Variants in DOCK4 observed in about 807,000 individuals in gnomAD.
The protein encoded by DOCK4 is dedicator of cytokinesis 4.
DOCK4 carries 97 observed loss-of-function variants against 268.1 expected under a neutral mutation model. That is an observed-to-expected ratio of 0.36 (90% CI 0.31 to 0.43). DOCK4 has a LOEUF of 0.43. Among genes scored for constraint, DOCK4 ranks in the 20% least tolerant of loss-of-function variants. DOCK4 has a pLI of 1.00. For synonymous variants in DOCK4, 954 were observed against 887.2 expected (o/e 1.08, Z -1.34); for missense variants, 2,145 against 2,455.7 (o/e 0.87, Z 2.67).
chr7:111,753,696 C>T (rs530217782), intron 42 of DOCK4, among the ~76,000 whole-genome samples: 1 of 152,196 alleles, frequency 6.6e-6, no homozygotes, highest in South Asian at 2.1e-4. Flanking sequence ...TGAGCACCTA[C>T]TACCTGTCCC....
chr7:111,899,740 T>C (rs999348684), intron 15 of DOCK4, among the ~76,000 whole-genome samples: 3 of 152,024 alleles, frequency 2.0e-5, no homozygotes. Context: ...CTGACCAATA[T>C]GGTGAAACCC....
chr7:112,071,003 A>T (rs180967758), intron 1 of DOCK4, among the ~76,000 whole-genome samples: 4 of 152,330 alleles, frequency 2.6e-5, no homozygotes, highest in Non-Finnish European at 4.4e-5. Context: ...AAAACATAAC[A>T]AAACAAAAAG....
At chr7:111,900,632 A>C in intron 14 of DOCK4, 96 bp from the exon 15 acceptor site, 22 of 1,288,936 alleles carry the variant, frequency 1.7e-5, no homozygotes, top group Non-Finnish European at 2.1e-5. Flanking sequence ...CCTGCCTCTC[A>C]AATAGCACTA....
At chr7:112,050,050 C>G (rs1235018084) in intron 1 of DOCK4, among the ~76,000 whole-genome samples, 1 of 152,130 alleles carries the variant, frequency 6.6e-6, no homozygotes, top group Non-Finnish European at 1.5e-5. Flanking sequence ...GGATCTGTCT[C>G]AACACCTAGC....
intron 1 of DOCK4, among the ~76,000 whole-genome samples, chr7:112,071,935 A>G (rs974077647): frequency 2.0e-5 from 3 of 152,206 alleles, no homozygotes; most frequent in Admixed American, 6.5e-5. Flanking sequence ...TTCCTCCTCT[A>G]TATGTTTACA....
At chr7:111,947,491 G>T (rs1211208211) in intron 8 of DOCK4, among the ~76,000 whole-genome samples, 4 of 152,140 alleles carry the variant, frequency 2.6e-5, no homozygotes, top group African/African-American at 9.6e-5. Context: ...GAAAACAGAT[G>T]GCCAATAAGG....
At chr7:111,796,379 G>C (rs1193762358) in intron 30 of DOCK4, among the ~76,000 whole-genome samples, 4 of 152,250 alleles carry the variant, frequency 2.6e-5, no homozygotes, top group Admixed American at 2.0e-4. Context: ...CACTAATACA[G>C]GACACATTGC....
In DOCK4 at chr7:111,994,118, T is replaced by C. The variant is rs1326422101; in HGVS notation, c.315+17A>G. On this transcript the variant is annotated intron_variant, in intron 5 of 52. Transcript: ENST00000428084. ...ATTCTTTACCCGAAAAATCGTGTCATTAAAAAGCTACTTAACCACATAGAG... is the reference window on the plus strand; with the variant it reads ...ATTCTTTACCCGAAAAATCGTGTCACTAAAAAGCTACTTAACCACATAGAG... The C allele has an allele frequency of 6.5e-7, 1 of 1,532,580 alleles. No homozygotes were observed. Among genetic ancestry groups the C allele is most frequent in the Non-Finnish European group, 8.9e-7 (1 of 1,124,226 alleles). 94.9% of individuals were successfully genotyped at this position (1,532,580 alleles called of 1,614,324 possible). A position where few individuals can be genotyped will look rare whatever the true frequency, so the allele number is the denominator to read the frequency against.
intron 27 of DOCK4, among the ~76,000 whole-genome samples, chr7:111,818,301 C>A (rs1462889209): frequency 6.6e-6 from 1 of 152,224 alleles, no homozygotes; most frequent in Non-Finnish European, 1.5e-5. Flanking sequence ...GAGCTCCATG[C>A]AAGCATGTCT....
chr7:111,855,069 CCAAA>C (rs990369046), intron 23 of DOCK4, among the ~76,000 whole-genome samples: 1 of 152,078 alleles, frequency 6.6e-6, no homozygotes, highest in Admixed American at 6.6e-5. Context: ...AAAGTGGATT[CCAAA>C]CAGAGAAAAG....
chr7:111,819,920 G>A (rs752799334), intron 27 of DOCK4: 3 of 152,220 alleles, frequency 2.0e-5, no homozygotes, highest in Admixed American at 1.3e-4. Context: ...CAGAGACATA[G>A]ATGTAACTCC....
intron 12 of DOCK4, among the ~76,000 whole-genome samples, chr7:111,921,703 T>C (rs543150546): frequency 6.6e-6 from 1 of 152,298 alleles, no homozygotes; most frequent in African/African-American, 2.4e-5. Flanking sequence ...AGGCACCAAT[T>C]CCATAAAATA....
chr7:111,737,112 T>G, intron 49 of DOCK4, 123 bp from the exon 50 acceptor site: 3 of 760,424 alleles, frequency 3.9e-6, no homozygotes, highest in Non-Finnish European at 2.2e-6. Flanking sequence ...TGTGATATGA[T>G]GAGCCTAGGA....
intron 26 of DOCK4, among the ~76,000 whole-genome samples, chr7:111,822,897 C>T (rs1462825523): frequency 1.3e-5 from 2 of 152,174 alleles, no homozygotes; most frequent in Non-Finnish European, 2.9e-5. Flanking sequence ...TTATGCTCAT[C>T]AAAAAGCATC....
intron 23 of DOCK4, among the ~76,000 whole-genome samples, chr7:111,853,127 G>A (rs73436239): frequency 0.011 from 1,727 of 152,290 alleles, 29 homozygotes; most frequent in African/African-American, 0.04. Flanking sequence ...GGACTAGGAA[G>A]GAACAAGGGA....
At chr7:111,977,352 A>G (rs946200170) in intron 7 of DOCK4, 69 bp from the exon 8 acceptor site, 2 of 1,520,836 alleles carry the variant, frequency 1.3e-6, no homozygotes, top group African/African-American at 2.8e-5. Context: ...CCAACAAACT[A>G]GTTAGCTATG....
At chr7:112,016,460 T>C (rs1234416800) in intron 1 of DOCK4, among the ~76,000 whole-genome samples, 1 of 152,238 alleles carries the variant, frequency 6.6e-6, no homozygotes, top group Non-Finnish European at 1.5e-5. Context: ...TTCTCCACTG[T>C]ACAGTTACTA....
intron 1 of DOCK4, among the ~76,000 whole-genome samples, chr7:112,102,561 A>C (rs1004219622): frequency 5.3e-5 from 8 of 152,286 alleles, no homozygotes; most frequent in African/African-American, 1.7e-4. Flanking sequence ...AATGAGATGA[A>C]TGCTCTTTAA....
chr7:111,898,537 G>A (rs191363842), intron 15 of DOCK4, among the ~76,000 whole-genome samples: 6 of 152,290 alleles, frequency 3.9e-5, no homozygotes, highest in African/African-American at 9.6e-5. Context: ...CTCTGTGAGC[G>A]GGGCTATTTT....
Sources: allele counts gnomAD v4.1 joint callset (sites outside exome capture counted in the v4.1 genomes callset), GRCh38; gene constraint gnomAD v4.1.1; transcripts MANE v1.5; gene names NCBI Gene and HGNC (gene_info 2026-07-23, HGNC 2026-07-21).